Variants in BNC2 observed in about 807,000 individuals in gnomAD.
BNC2 encodes basonuclin zinc finger protein 2.
In BNC2, 20 loss-of-function variants were observed where a neutral mutation model predicts 76.3. The ratio of observed to expected loss-of-function variants is 0.26; its 90% CI spans 0.18 to 0.38. BNC2 has a LOEUF of 0.38. Among genes scored for constraint, BNC2 ranks in the 10% least tolerant of loss-of-function variants. The pLI is 1.00. For missense variants in BNC2, 1,382 were observed against 1,399.8 expected, an observed-to-expected ratio of 0.99 and a Z score of 0.20; for synonymous variants, 582 against 514.8, an observed-to-expected ratio of 1.13 and a Z score of -1.77.
At chr9:16,838,972 C>A (rs1818766399) in intron 1 of BNC2, among the ~76,000 whole-genome samples, 3 of 152,170 alleles carry the variant, frequency 2.0e-5, no homozygotes, top group South Asian at 4.1e-4. Context: ...CATACAGTTT[C>A]TTAAGGAACA....
chr9:16,532,665 T>C (rs1818019002), intron 5 of BNC2, among the ~76,000 whole-genome samples: 2 of 152,212 alleles, frequency 1.3e-5, no homozygotes, highest in South Asian at 4.1e-4. Context: ...TGATAATAGG[T>C]ACTCAAAATT....
intron 5 of BNC2, among the ~76,000 whole-genome samples, chr9:16,530,173 TTTTTTTA>T (rs1168370363): frequency 5.6e-4 from 85 of 152,156 alleles, no homozygotes; most frequent in African/African-American, 2.0e-3. Flanking sequence ...TTTTTGTTTT[TTTTTTTA>T]AAAAAGCCTT....
At chr9:16,845,993 C>CA (rs902745215) in intron 1 of BNC2, among the ~76,000 whole-genome samples, 27 of 151,696 alleles carry the variant, frequency 1.8e-4, no homozygotes, top group African/African-American at 5.8e-4. Context: ...ACTAAAAATA[C>CA]AAAAAAATTA....
intron 1 of BNC2, among the ~76,000 whole-genome samples, chr9:16,791,280 C>T (rs1040890316): frequency 6.6e-6 from 1 of 152,040 alleles, no homozygotes; most frequent in African/African-American, 2.4e-5. Context: ...CCAGGATGGT[C>T]TCGATCTCCT....
chr9:16,587,247 T>C (rs181471710), intron 3 of BNC2, among the ~76,000 whole-genome samples: 1 of 148,014 alleles, frequency 6.8e-6, no homozygotes, highest in Non-Finnish European at 1.5e-5. Flanking sequence ...AGAGTCTAGC[T>C]CTGTCACCCA....
At chr9:16,603,854 C>T (rs770079071) in intron 3 of BNC2, among the ~76,000 whole-genome samples, 13 of 147,508 alleles carry the variant, frequency 8.8e-5, no homozygotes, top group Non-Finnish European at 1.9e-4. Context: ...TTTCAAACCT[C>T]TCTCAAATAT....
chr9:16,555,990 TG>T (rs1342577046), intron 4 of BNC2, among the ~76,000 whole-genome samples: 1 of 152,054 alleles, frequency 6.6e-6, no homozygotes, highest in Non-Finnish European at 1.5e-5. Flanking sequence ...CTATTAGGTG[TG>T]TCAATGTTCC....
intron 5 of BNC2, among the ~76,000 whole-genome samples, chr9:16,543,122 T>C (rs530826598): frequency 5.3e-5 from 8 of 152,278 alleles, no homozygotes; most frequent in African/African-American, 1.9e-4. Context: ...AAAGCTCCCG[T>C]TGCTCTAGAA....
intron 2 of BNC2, among the ~76,000 whole-genome samples, chr9:16,738,131 C>T (rs1222709854): frequency 6.6e-6 from 1 of 152,084 alleles, no homozygotes; most frequent in Non-Finnish European, 1.5e-5. Flanking sequence ...TACTTTATCA[C>T]GTTCAAAATC....
At chr9:16,647,797 G>C (rs1196343321) in intron 3 of BNC2, among the ~76,000 whole-genome samples, 6 of 152,054 alleles carry the variant, frequency 3.9e-5, no homozygotes, top group African/African-American at 1.4e-4. Flanking sequence ...CTCTTAGGCA[G>C]GTTTAATAAA....
At chr9:16,850,896 CAAAGCTTATGTCAT>C (rs1322165612) in intron 1 of BNC2, among the ~76,000 whole-genome samples, 1 of 151,980 alleles carries the variant, frequency 6.6e-6, no homozygotes, top group Non-Finnish European at 1.5e-5. Context: ...TTCAGAAAAT[CAAAGCTTATGTCAT>C]GGAAGATTTG....
In BNC2 at chr9:16,666,101, T is replaced by C. The variant is rs551488628; in HGVS notation, c.330+61696A>G. Among the ~76,000 whole-genome samples the C allele has an allele frequency of 3.3e-5, 5 of 152,352 alleles. No individual in the cohort carries two copies. The South Asian group carries it at 1.0e-3, about 32-fold the overall frequency. On this transcript the variant is annotated intron_variant, in intron 3 of 6. Coordinates refer to ENST00000380672, the MANE Select transcript of BNC2 (RefSeq NM_017637.6). The stretch of plus-strand genomic sequence containing the variant: ...TTGACAACTACTTTCAATGAGTTAT[T>C]TCTTGTATAAAATTTGAATTCATAT...
At chr9:16,821,619 G>A (rs1423418061) in intron 1 of BNC2, among the ~76,000 whole-genome samples, 1 of 152,156 alleles carries the variant, frequency 6.6e-6, no homozygotes, top group Non-Finnish European at 1.5e-5. Context: ...CTAAACTGTA[G>A]AAGTTGCAAG....
chr9:16,809,109 T>A (rs1817982578), intron 1 of BNC2, among the ~76,000 whole-genome samples: 1 of 152,116 alleles, frequency 6.6e-6, no homozygotes, highest in South Asian at 2.1e-4. Flanking sequence ...CTAAAGTAGA[T>A]CAGTTGTTTC....
intron 1 of BNC2, among the ~76,000 whole-genome samples, chr9:16,764,729 T>C (rs1444731106): frequency 1.4e-5 from 1 of 74,048 alleles, no homozygotes; most frequent in African/African-American, 4.8e-5. Flanking sequence ...ATAACTTTAC[T>C]TATTTGTCTG....
intron 1 of BNC2, among the ~76,000 whole-genome samples, chr9:16,759,155 G>A (rs1825478023): frequency 1.3e-5 from 2 of 152,072 alleles, no homozygotes; most frequent in African/African-American, 2.4e-5. Flanking sequence ...CCAACAGCTG[G>A]CTATAATCTC....
At chr9:16,811,128 C>CA (rs951489431) in intron 1 of BNC2, among the ~76,000 whole-genome samples, 2 of 148,412 alleles carry the variant, frequency 1.3e-5, no homozygotes, top group African/African-American at 5.0e-5. Context: ...GAGGCTGAGG[C>CA]AGGAGAATGG....
rs928123618 is a variant in BNC2 at position 16,416,542 on chromosome 9, G to A, written c.*2447C>T. The A allele has an allele frequency of 6.6e-6, 1 of 152,488 alleles. No homozygotes were observed. The highest frequency in any genetic ancestry group is 2.1e-4 in the South Asian group (1 of 4,816). The allele number at this position is 152,488 out of a possible 1,614,324, so 9.4% of individuals were successfully genotyped here. A position where few individuals can be genotyped will look rare whatever the true frequency, so the allele number is the denominator to read the frequency against. ...CCAAAATAAAGCAATTAAGACTTTG[G>A]GGAATTCAAAGTACAAGAAAACAAA... is the stretch of plus-strand genomic sequence containing the variant. On this transcript the variant is annotated 3_prime_UTR_variant, in exon 7 of 7. Coordinates refer to ENST00000380672, the MANE Select transcript of BNC2 (RefSeq NM_017637.6).
chr9:16,677,172 G>C (rs995061803), intron 3 of BNC2, among the ~76,000 whole-genome samples: 1 of 152,142 alleles, frequency 6.6e-6, no homozygotes, highest in African/African-American at 2.4e-5. Flanking sequence ...TTAGCCAAAA[G>C]CTAATACACA....
Sources: gnomAD v4.1 joint callset for allele counts (sites outside exome capture counted in the v4.1 genomes callset) on GRCh38, gnomAD v4.1.1 for gene constraint, MANE v1.5 for transcripts, NCBI Gene and HGNC (gene_info 2026-07-23, HGNC 2026-07-21) for gene names.